GRM5: variants seen among roughly 807,000 people sequenced by gnomAD.
The protein encoded by GRM5 is metabotropic glutamate receptor 5.
A neutral mutation model predicts 83.1 loss-of-function variants in GRM5; 19 were observed. The ratio of observed to expected loss-of-function variants is 0.23; its 90% CI spans 0.16 to 0.34. GRM5 has a LOEUF of 0.34. GRM5 is among the 10% of genes least tolerant of loss of function. The pLI is 1.00. For synonymous variants in GRM5, 675 were observed against 633.6 expected (o/e 1.07, Z -0.98); for missense variants, 1,160 against 1,588.3 (o/e 0.73, Z 4.58).
intron 5 of GRM5, among the ~76,000 whole-genome samples, chr11:88,599,549 C>T (rs1273296934): frequency 6.6e-6 from 1 of 152,120 alleles, no homozygotes; most frequent in Non-Finnish European, 1.5e-5. Flanking sequence ...GGTATGAGCC[C>T]TTTTAATTTT....
rs1942108078 is a variant in GRM5, at chr11:88,745,185, TC to T, written c.912-91783del. Among the ~76,000 whole-genome samples the T allele has an allele frequency of 3.4e-4, 16 of 47,540 alleles. No homozygotes were observed. In the South Asian group the frequency reaches 0.029, roughly 86 times the overall value. 31.2% of individuals were successfully genotyped at this position (47,540 alleles called of 152,430 possible). A position where few individuals can be genotyped will look rare whatever the true frequency, so the allele number is the denominator to read the frequency against. ...CTACTCACTTCTCCTAATTTTTTTT[TC>T]TTTTTATTTTTCTTTTTTTTTTTTT... On this transcript the variant is annotated intron_variant, in intron 3 of 9. Transcript: ENST00000305447.
chr11:88,557,333 TATTA>T (rs1204385343), intron 8 of GRM5, among the ~76,000 whole-genome samples: 5 of 152,176 alleles, frequency 3.3e-5, no homozygotes, highest in African/African-American at 1.2e-4. Context: ...AGCAAGCCAT[TATTA>T]ATCCTTATCA....
At chr11:88,832,676 C>T (rs1944017121) in intron 3 of GRM5, among the ~76,000 whole-genome samples, 1 of 151,788 alleles carries the variant, frequency 6.6e-6, no homozygotes, top group Admixed American at 6.6e-5. Context: ...TAAGTAATAA[C>T]AACAAAGCTG....
intron 5 of GRM5, among the ~76,000 whole-genome samples, chr11:88,598,667 G>T (rs1937888904): frequency 6.6e-6 from 1 of 152,088 alleles, no homozygotes; most frequent in Admixed American, 6.5e-5. Flanking sequence ...GAGGTAAAAA[G>T]AACTCACGTA....
intron 2 of GRM5, among the ~76,000 whole-genome samples, chr11:88,870,391 T>C (rs1458239873): frequency 6.6e-6 from 1 of 151,116 alleles, no homozygotes; most frequent in Non-Finnish European, 1.5e-5. Context: ...GAGGCAAAAA[T>C]GGTGTGTGAG....
Position 88,611,946 on chromosome 11 carries a change from AATTT to A in GRM5, c.1148-6986_1148-6983del, listed in dbSNP as rs536731491. 4.8e-3 allele frequency among the ~76,000 whole-genome samples: 734 copies of A among 151,726 alleles called. 5 individuals carry two copies. Among genetic ancestry groups the A allele is most frequent in the Non-Finnish European group, 8.1e-3 (548 of 67,914 alleles). ...GCCTTTGTTTTCATTAGTTTCAAAGAATTTATTTATTTATTTATTTATTATTTTT... is the reference window on the plus strand; with the variant it reads ...GCCTTTGTTTTCATTAGTTTCAAAGAATTTATTTATTTATTTATTATTTTT... On this transcript the variant is annotated intron_variant, in intron 4 of 9. Transcript: ENST00000305447.
intron 3 of GRM5, among the ~76,000 whole-genome samples, chr11:88,821,815 C>A (rs764450265): frequency 6.6e-6 from 1 of 151,960 alleles, no homozygotes; most frequent in Non-Finnish European, 1.5e-5. Context: ...TGAAAAACAC[C>A]CTTAACTCAT....
chr11:88,977,549 C>A (rs773477155), intron 2 of GRM5, among the ~76,000 whole-genome samples: 1 of 152,138 alleles, frequency 6.6e-6, no homozygotes, highest in African/African-American at 2.4e-5. Flanking sequence ...CCATTCGGAA[C>A]GCAGAAATTT....
intron 8 of GRM5, among the ~76,000 whole-genome samples, chr11:88,535,117 A>G (rs1044726006): frequency 1.3e-5 from 2 of 152,142 alleles, no homozygotes; most frequent in Non-Finnish European, 2.9e-5. Context: ...AAACGAACTA[A>G]TACAGTTACA....
At chr11:88,789,692 C>A (rs571989974) in intron 3 of GRM5, among the ~76,000 whole-genome samples, 16 of 152,248 alleles carry the variant, frequency 1.1e-4, no homozygotes, top group Non-Finnish European at 2.2e-4. Flanking sequence ...AGTGGCATTC[C>A]AAAGCCTACA....
intron 8 of GRM5, among the ~76,000 whole-genome samples, chr11:88,543,972 A>G (rs952519261): frequency 2.9e-4 from 44 of 152,118 alleles, no homozygotes; most frequent in African/African-American, 9.7e-4. Flanking sequence ...GCCCTCACGA[A>G]TGGATTAATG....
chr11:88,750,542 C>A (rs983459380), intron 3 of GRM5, among the ~76,000 whole-genome samples: 1 of 152,118 alleles, frequency 6.6e-6, no homozygotes, highest in Non-Finnish European at 1.5e-5. Context: ...AGAAAATTAA[C>A]AAAGATATGC....
intron 2 of GRM5, among the ~76,000 whole-genome samples, chr11:89,045,679 G>A (rs1404855435): frequency 6.6e-6 from 1 of 152,024 alleles, no homozygotes; most frequent in Non-Finnish European, 1.5e-5. Context: ...AGTTTCACTT[G>A]GGGCACAATT....
chr11:88,808,868 A>G (rs1424755930), intron 3 of GRM5, among the ~76,000 whole-genome samples: 5 of 151,900 alleles, frequency 3.3e-5, no homozygotes, highest in African/African-American at 4.8e-5. Context: ...GCTTCCCAGG[A>G]TATATTTTTA....
chr11:89,039,548 T>G (rs186683330), intron 2 of GRM5, among the ~76,000 whole-genome samples: 11 of 151,702 alleles, frequency 7.3e-5, no homozygotes, highest in African/African-American at 2.7e-4. Context: ...AAAAAAAAAA[T>G]TTTTTAAATT....
At chr11:88,622,090 A>G (rs1214054032) in intron 4 of GRM5, among the ~76,000 whole-genome samples, 1 of 49,752 alleles carries the variant, frequency 2.0e-5, no homozygotes, top group Non-Finnish European at 4.6e-5. Context: ...AAATCACAAC[A>G]CTATTTTCAA....
chr11:88,879,270 G>A (rs1944910651), intron 2 of GRM5, among the ~76,000 whole-genome samples: 1 of 151,880 alleles, frequency 6.6e-6, no homozygotes, highest in Non-Finnish European at 1.5e-5. Context: ...ATAACAAACT[G>A]GGAGGAAGTA....
At position 88,704,934 on chromosome 11, in the gene GRM5, T is replaced by C. The variant is rs78368619; in HGVS notation, c.912-51531A>G. Among the ~76,000 whole-genome samples, 27 of 152,156 alleles carry C rather than the reference T, an allele frequency of 1.8e-4. No homozygotes were observed. In the East Asian group the frequency reaches 5.2e-3, roughly 29 times the overall value. The stretch of plus-strand genomic sequence containing the variant: ...CACTTCATATTGTTTGCATAAACTC[T>C]CCCTCTACCTCTTTTCCTTTATTTT... On this transcript the variant is annotated intron_variant, in intron 3 of 9. Transcript: ENST00000305447.
chr11:88,728,908 C>T (rs1048701313), intron 3 of GRM5, among the ~76,000 whole-genome samples: 3 of 152,062 alleles, frequency 2.0e-5, no homozygotes, highest in Non-Finnish European at 2.9e-5. Flanking sequence ...AAACTCACAG[C>T]CAATATCACA....
Sources: allele counts gnomAD v4.1 joint callset (sites outside exome capture counted in the v4.1 genomes callset), GRCh38; gene constraint gnomAD v4.1.1; transcripts MANE v1.5; gene names NCBI Gene and HGNC (gene_info 2026-07-23, HGNC 2026-07-21).